PCDH7: variants seen among roughly 807,000 people sequenced by gnomAD.
PCDH7 encodes protocadherin 7, also known as protocadherin-7.
PCDH7 carries 17 observed loss-of-function variants against 58.9 expected under a neutral mutation model. That is an observed-to-expected ratio of 0.29 (90% confidence interval 0.20 to 0.43). PCDH7 has a LOEUF of 0.43. Among genes scored for constraint, PCDH7 ranks in the 20% least tolerant of loss-of-function variants. The pLI is 1.00. For missense variants in PCDH7, 1,274 were observed against 1,441.0 expected (o/e 0.88, Z 1.88); for synonymous variants, 664 against 616.4 (o/e 1.08, Z -1.14).
intron 1 of PCDH7, among the ~76,000 whole-genome samples, chr4:30,768,400 T>C (rs1721009069): frequency 6.7e-6 from 1 of 149,930 alleles, no homozygotes; most frequent in South Asian, 2.1e-4. Context: ...ATGTCACCAG[T>C]AGAAAGAAGG....
chr4:30,911,852 A>G (rs1033046123), intron 1 of PCDH7, among the ~76,000 whole-genome samples: 2 of 152,220 alleles, frequency 1.3e-5, no homozygotes, highest in African/African-American at 4.8e-5. Context: ...AATGAAATGA[A>G]TAGCATTTTC....
At chr4:31,098,832 T>G (rs762784639) in intron 3 of PCDH7, among the ~76,000 whole-genome samples, 1 of 152,170 alleles carries the variant, frequency 6.6e-6, no homozygotes, top group African/African-American at 2.4e-5. Context: ...AGAAATCTGT[T>G]GTCTGGAAGT....
At chr4:30,951,924 A>G (rs1288943827) in intron 3 of PCDH7, among the ~76,000 whole-genome samples, 2 of 152,104 alleles carry the variant, frequency 1.3e-5, no homozygotes, top group Non-Finnish European at 2.9e-5. Context: ...GAGCTCTTCA[A>G]TGTCCACAGT....
rs115497415 is a variant in PCDH7, at chr4:30,962,458, T to C, written c.*7+12243T>C. Reference sequence around the variant, plus strand: ...ATGCAATAAAGTAAGTATGTATGTATGTTTCTAATTGAAGTGGAAAGATGG... The same window carrying C: ...ATGCAATAAAGTAAGTATGTATGTACGTTTCTAATTGAAGTGGAAAGATGG... On this transcript the variant is annotated intron_variant, in intron 3 of 3. Coordinates refer to the PCDH7 transcript ENST00000509759. Among the ~76,000 whole-genome samples the C allele has an allele frequency of 6.2e-3, 947 of 152,248 alleles. 5 individuals carry two copies. Among genetic ancestry groups the C allele is most frequent in the African/African-American group, 0.021 (883 of 41,558 alleles).
intron 3 of PCDH7, among the ~76,000 whole-genome samples, chr4:31,015,530 G>A (rs913551540): frequency 2.6e-5 from 4 of 152,050 alleles, no homozygotes; most frequent in South Asian, 2.1e-4. Flanking sequence ...AGCGTGACAC[G>A]TCAAATCCTT....
At chr4:30,865,648 T>C in intron 1 of PCDH7, among the ~76,000 whole-genome samples, 1 of 152,084 alleles carries the variant, frequency 6.6e-6, no homozygotes, top group East Asian at 1.9e-4. Context: ...CAGTGTTTTT[T>C]AAGGAAAATT....
intron 3 of PCDH7, among the ~76,000 whole-genome samples, chr4:30,962,118 T>C (rs1429328083): frequency 6.6e-6 from 1 of 152,230 alleles, no homozygotes; most frequent in Non-Finnish European, 1.5e-5. Flanking sequence ...TATTTATGAA[T>C]GACTTGAATT....
chr4:30,870,237 C>T (rs966306902), intron 1 of PCDH7, among the ~76,000 whole-genome samples: 5 of 152,012 alleles, frequency 3.3e-5, no homozygotes, highest in Admixed American at 3.3e-4. Flanking sequence ...TGTAGGTTGC[C>T]TGTTCACTCT....
chr4:30,735,959 T>C (rs1716189996), downstream of PCDH7, among the ~76,000 whole-genome samples: 1 of 152,242 alleles, frequency 6.6e-6, no homozygotes, highest in African/African-American at 2.4e-5. Context: ...GTCTAACTGC[T>C]TCATCTCCAT....
At chr4:30,805,074 T>C (rs1726010441) in intron 1 of PCDH7, among the ~76,000 whole-genome samples, 1 of 152,234 alleles carries the variant, frequency 6.6e-6, no homozygotes, top group Admixed American at 6.5e-5. Context: ...CTCCCTTCCC[T>C]GGAGCACTTT....
At chr4:31,136,304 A>G (rs1719595231) in intron 3 of PCDH7, among the ~76,000 whole-genome samples, 2 of 152,124 alleles carry the variant, frequency 1.3e-5, no homozygotes, top group Non-Finnish European at 2.9e-5. Context: ...TAAATGGGGG[A>G]GTAGGTATTA....
intron 1 of PCDH7, among the ~76,000 whole-genome samples, chr4:30,886,932 A>G (rs998220160): frequency 7.3e-6 from 1 of 136,790 alleles, no homozygotes; most frequent in Non-Finnish European, 1.5e-5. Context: ...ATGAGATCAC[A>G]TGGACACAGG....
At chr4:30,728,323 CATAT>C (rs1714944798) in intron 1 of PCDH7, among the ~76,000 whole-genome samples, 1 of 141,198 alleles carries the variant, frequency 7.1e-6, no homozygotes, top group Admixed American at 7.1e-5. Flanking sequence ...AGAGAGAGAG[CATAT>C]ATATATATTC....
chr4:30,828,813 G>A (rs28425194), intron 1 of PCDH7, among the ~76,000 whole-genome samples: 1,846 of 151,630 alleles, frequency 0.012, 34 homozygotes, highest in African/African-American at 0.042. Flanking sequence ...TACACAGTTT[G>A]CCTTTACCTT....
rs73812524 is a variant in PCDH7, at chr4:31,088,680, T to C, written c.*8-53793T>C. 5.2e-3 allele frequency among the ~76,000 whole-genome samples: 789 copies of C among 152,180 alleles called. 9 individuals are homozygous for C. Among genetic ancestry groups the C allele is most frequent in the African/African-American group, 0.018 (753 of 41,554 alleles). ...ATTGTGATTTTGCCTAAAAACATTA[T>C]TGCTGAGTCTTTTAAAAGAGTGTAT... On this transcript the variant is annotated intron_variant, in intron 3 of 3. Coordinates refer to the PCDH7 transcript ENST00000509759.
chr4:31,070,374 T>G (rs375422275), intron 3 of PCDH7, among the ~76,000 whole-genome samples: 30 of 152,174 alleles, frequency 2.0e-4, no homozygotes, highest in African/African-American at 7.2e-4. Flanking sequence ...CTGGGTAATG[T>G]TTTTAGCATC....
chr4:30,994,765 A>G (rs1043785175), intron 3 of PCDH7, among the ~76,000 whole-genome samples: 2 of 152,190 alleles, frequency 1.3e-5, no homozygotes, highest in Non-Finnish European at 2.9e-5. Context: ...AAAAGATACA[A>G]TATTAAACTT....
At chr4:30,964,928 A>G (rs1748864362) in intron 3 of PCDH7, among the ~76,000 whole-genome samples, 1 of 152,228 alleles carries the variant, frequency 6.6e-6, no homozygotes, top group Non-Finnish European at 1.5e-5. Context: ...GAAAGTAAGC[A>G]ATATTCAGAG....
intron 2 of PCDH7, among the ~76,000 whole-genome samples, chr4:30,923,006 G>A (rs929617795): frequency 1.3e-5 from 2 of 152,104 alleles, no homozygotes; most frequent in Non-Finnish European, 2.9e-5. Flanking sequence ...AACCTGTCAA[G>A]TATTCATTTG....
Sources: allele counts gnomAD v4.1 joint callset (sites outside exome capture counted in the v4.1 genomes callset), GRCh38; gene constraint gnomAD v4.1.1; transcripts MANE v1.5; gene names NCBI Gene and HGNC (gene_info 2026-07-23, HGNC 2026-07-21).